Variants in VRK2 observed in about 807,000 individuals in gnomAD.
VRK2 encodes serine/threonine-protein kinase VRK2.
In VRK2, 60 loss-of-function variants were observed where a neutral mutation model predicts 57.6. The ratio of observed to expected loss-of-function variants is 1.04; its 90% CI spans 0.85 to 1.29. The LOEUF (loss-of-function observed/expected upper bound fraction) is 1.29, where lower values mean the gene tolerates loss of function less well. Ranked by LOEUF, VRK2 falls within the 50% of genes most tolerant of loss-of-function variation. The probability of loss-of-function intolerance (pLI) is 0.00; values close to 1 mark genes in which losing one functional copy is unlikely to be tolerated. For synonymous variants in VRK2, 231 were observed against 199.2 expected, an observed-to-expected ratio of 1.16 and a Z score of -1.35; for missense variants, 705 against 588.1, an observed-to-expected ratio of 1.20 and a Z score of -2.06.
At chr2:57,912,425 GTT>G (rs539874725) in intron 1 of VRK2, among the ~76,000 whole-genome samples, 14 of 150,520 alleles carry the variant, frequency 9.3e-5, no homozygotes, top group Admixed American at 9.3e-4. Context: ...TCAGGAAGAA[GTT>G]TTTTTTTTCA....
intron 1 of VRK2, 74 bp downstream of exon 1, chr2:58,046,942 C>G (rs935089902): frequency 3.5e-5 from 34 of 985,402 alleles, no homozygotes; most frequent in African/African-American, 3.5e-5. Flanking sequence ...CGGCCCCGCT[C>G]GGAAAAGGGC....
At chr2:58,155,919 TTG>T (rs749389475) in intron 12 of VRK2, among the ~76,000 whole-genome samples, 19 of 133,858 alleles carry the variant, frequency 1.4e-4, no homozygotes, top group African/African-American at 4.3e-4. Flanking sequence ...TTTTTCATGT[TTG>T]TTTTTTTTTT....
At chr2:57,996,280 C>T (rs1006063578) in intron 1 of VRK2, among the ~76,000 whole-genome samples, 2 of 152,164 alleles carry the variant, frequency 1.3e-5, no homozygotes, top group Non-Finnish European at 2.9e-5. Flanking sequence ...AAATATTTTT[C>T]AGTTCACATA....
At chr2:57,941,825 G>A (rs539196763) in intron 1 of VRK2, among the ~76,000 whole-genome samples, 2 of 152,300 alleles carry the variant, frequency 1.3e-5, no homozygotes, top group East Asian at 3.9e-4. Context: ...TGTACTCACA[G>A]GATACCATAT....
intron 7 of VRK2, among the ~76,000 whole-genome samples, chr2:58,100,477 G>A (rs1673792008): frequency 6.6e-6 from 1 of 151,826 alleles, no homozygotes; most frequent in South Asian, 2.1e-4. Flanking sequence ...TAGGGTTTAT[G>A]TGGATAGCAT....
At chr2:58,056,977 TTCTC>T (rs1676615582) in intron 2 of VRK2, among the ~76,000 whole-genome samples, 1 of 152,174 alleles carries the variant, frequency 6.6e-6, no homozygotes, top group Non-Finnish European at 1.5e-5. Context: ...TGTTCATAAC[TTCTC>T]TCTTTCTTTG....
At chr2:57,963,477 G>A (rs527552006) in intron 1 of VRK2, among the ~76,000 whole-genome samples, 1 of 152,188 alleles carries the variant, frequency 6.6e-6, no homozygotes, top group Admixed American at 6.5e-5. Flanking sequence ...TATATAATAC[G>A]CAAAGGAAGA....
At chr2:57,995,825 CCTGGATTTA>C (rs1672906816) in intron 1 of VRK2, among the ~76,000 whole-genome samples, 1 of 152,188 alleles carries the variant, frequency 6.6e-6, no homozygotes, top group African/African-American at 2.4e-5. Flanking sequence ...GGTACTACTG[CCTGGATTTA>C]TGCTAAGGTG....
intron 1 of VRK2, among the ~76,000 whole-genome samples, chr2:57,996,581 A>G (rs1011262255): frequency 6.6e-6 from 1 of 152,246 alleles, no homozygotes; most frequent in Admixed American, 6.5e-5. Context: ...AGAATTGGTT[A>G]CAACTGATTG....
intron 2 of VRK2, among the ~76,000 whole-genome samples, chr2:58,081,857 CGT>C (rs369430200): frequency 0.25 from 34,939 of 141,964 alleles, 4,755 homozygotes; most frequent in East Asian, 0.42. Flanking sequence ...ATACCATGTC[CGT>C]GTGTGTGTGT....
At chr2:58,080,505 C>T (rs1321676834) in intron 2 of VRK2, among the ~76,000 whole-genome samples, 1 of 151,358 alleles carries the variant, frequency 6.6e-6, no homozygotes, top group African/African-American at 2.4e-5. Flanking sequence ...TCCTGTTATT[C>T]TGCTAGTTTT....
At chr2:57,980,704 T>C (rs1271316570) in intron 1 of VRK2, among the ~76,000 whole-genome samples, 1 of 152,248 alleles carries the variant, frequency 6.6e-6, no homozygotes, top group Non-Finnish European at 1.5e-5. Flanking sequence ...TTTATGAATC[T>C]GGGTGCTTCA....
chr2:58,122,297 C>G (rs1252796944), intron 7 of VRK2, among the ~76,000 whole-genome samples: 1 of 152,150 alleles, frequency 6.6e-6, no homozygotes, highest in Non-Finnish European at 1.5e-5. Flanking sequence ...CCCCCACTCC[C>G]CTGCACAGTC....
At chr2:57,917,719 G>A (rs1272221322) in intron 1 of VRK2, among the ~76,000 whole-genome samples, 1 of 151,704 alleles carries the variant, frequency 6.6e-6, no homozygotes, top group Non-Finnish European at 1.5e-5. Flanking sequence ...CAAATGAAAT[G>A]TTGATATAGC....
intron 1 of VRK2, among the ~76,000 whole-genome samples, chr2:57,962,505 A>T (rs1481118329): frequency 6.6e-6 from 1 of 151,860 alleles, no homozygotes; most frequent in Admixed American, 6.6e-5. Flanking sequence ...TGGTGTAGAG[A>T]TTAATTAGTC....
At chr2:58,009,827 A>G (rs533351366) in intron 1 of VRK2, among the ~76,000 whole-genome samples, 158 of 152,212 alleles carry the variant, frequency 1.0e-3, no homozygotes, top group Non-Finnish European at 1.9e-3. Context: ...ATGAGAGCAT[A>G]CTTTCATTTA....
At chr2:57,945,113 T>C (rs1671220817) in intron 1 of VRK2, among the ~76,000 whole-genome samples, 1 of 152,162 alleles carries the variant, frequency 6.6e-6, no homozygotes, top group African/African-American at 2.4e-5. Context: ...AAGCATAATG[T>C]GAATTCACCA....
intron 1 of VRK2, among the ~76,000 whole-genome samples, chr2:57,989,691 G>A (rs1414306971): frequency 6.6e-6 from 1 of 152,146 alleles, no homozygotes; most frequent in Non-Finnish European, 1.5e-5. Context: ...TGAAAGATAA[G>A]CTGAGATGTA....
chr2:57,955,119 G>C (rs1208501984), intron 1 of VRK2, among the ~76,000 whole-genome samples: 1 of 152,146 alleles, frequency 6.6e-6, no homozygotes, highest in Non-Finnish European at 1.5e-5. Context: ...TATGAGGAAA[G>C]AAATGAAGAG....
Sources: gnomAD v4.1 joint callset for allele counts (sites outside exome capture counted in the v4.1 genomes callset) on GRCh38, gnomAD v4.1.1 for gene constraint, MANE v1.5 for transcripts, NCBI Gene and HGNC (gene_info 2026-07-23, HGNC 2026-07-21) for gene names.